The following WDR59 variants were observed in gnomAD, a reference collection of about 807,000 sequenced individuals.
The protein encoded by WDR59 is WD repeat domain 59.
WDR59 carries 100 observed loss-of-function variants against 131.2 expected under a neutral mutation model. That is an observed-to-expected ratio of 0.76 (90% CI 0.65 to 0.90). The LOEUF is 0.90. WDR59 is among the 40% of genes least tolerant of loss of function. WDR59 has a pLI of 0.00. For synonymous variants in WDR59, 601 were observed against 466.2 expected, an observed-to-expected ratio of 1.29 and a Z score of -3.72; for missense variants, 1,203 against 1,262.2, an observed-to-expected ratio of 0.95 and a Z score of 0.71.
chr16:74,903,579 C>T (rs536741789), intron 18 of WDR59, among the ~76,000 whole-genome samples: 1 of 152,114 alleles, frequency 6.6e-6, no homozygotes, highest in African/African-American at 2.4e-5. Context: ...CCCAAGACTC[C>T]AGAGGCATTC....
intron 18 of WDR59, among the ~76,000 whole-genome samples, chr16:74,901,800 T>A (rs570179907): frequency 6.6e-6 from 1 of 152,284 alleles, no homozygotes; most frequent in Non-Finnish European, 1.5e-5. Context: ...TCAAGGATTA[T>A]CGACCTTTGT....
chr16:74,915,412 T>C (rs1447953803), intron 13 of WDR59: 1 of 151,956 alleles, frequency 6.6e-6, no homozygotes, highest in African/African-American at 2.4e-5. Flanking sequence ...ACTTATTTAT[T>C]TATTTATTTA....
At chr16:74,971,639 G>C (rs2033989824) in intron 1 of WDR59, among the ~76,000 whole-genome samples, 1 of 151,818 alleles carries the variant, frequency 6.6e-6, no homozygotes, top group Admixed American at 6.6e-5. Flanking sequence ...CACCATGTCG[G>C]CCAGGCTGGT....
intron 18 of WDR59, among the ~76,000 whole-genome samples, chr16:74,903,562 T>C (rs961063368): frequency 1.3e-5 from 2 of 151,852 alleles, no homozygotes; most frequent in African/African-American, 4.8e-5. Flanking sequence ...TCCAAATATA[T>C]TGAGATCCCA....
chr16:74,894,041 G>A (rs1248491017), intron 18 of WDR59: 3 of 442,312 alleles, frequency 6.8e-6, no homozygotes, highest in East Asian at 6.9e-5. Flanking sequence ...TTCTGCAGGT[G>A]CTCAAAAACA....
intron 1 of WDR59, among the ~76,000 whole-genome samples, chr16:74,974,490 G>T (rs1387781992): frequency 1.3e-5 from 2 of 152,112 alleles, no homozygotes; most frequent in Non-Finnish European, 2.9e-5. Flanking sequence ...AGTCTACAAG[G>T]TAGTATGCAG....
chr16:74,963,873 C>G (rs1006770895), intron 2 of WDR59, among the ~76,000 whole-genome samples: 1 of 151,318 alleles, frequency 6.6e-6, no homozygotes, highest in Non-Finnish European at 1.5e-5. Flanking sequence ...TACACTCCAG[C>G]CTGGGTGACA....
intron 3 of WDR59, among the ~76,000 whole-genome samples, chr16:74,954,730 G>A (rs2145154792): frequency 6.6e-6 from 1 of 152,320 alleles, no homozygotes. Context: ...AATGTCCTCT[G>A]ATGGATGGAC....
intron 1 of WDR59, among the ~76,000 whole-genome samples, chr16:74,971,426 C>T (rs112157104): frequency 5.0e-4 from 45 of 90,186 alleles, no homozygotes; most frequent in African/African-American, 2.1e-3. Context: ...TCTTTCCTTC[C>T]TTTTTTTTTT....
rs766204540 is a variant in WDR59 at position 74,949,707 on chromosome 16, ATTG to A, written c.407+8_407+10del. 3.7e-6 allele frequency: 6 copies of A among 1,613,146 alleles called. No homozygotes were observed. In the East Asian group the frequency reaches 1.3e-4, roughly 36 times the overall value. ...CCCAACCAAGTGGTTATGCCTCCTA[ATTG>A]TTCTTACTTGATATCCCAAATGTAG... On this transcript the variant is annotated splice_region_variant and intron_variant, in intron 5 of 25. Transcript: ENST00000262144.
intron 2 of WDR59, among the ~76,000 whole-genome samples, chr16:74,958,426 C>T (rs973865216): frequency 6.6e-6 from 1 of 150,752 alleles, no homozygotes; most frequent in East Asian, 2.0e-4. Flanking sequence ...CCTGTCTCTA[C>T]TAAAAATACT....
intron 8 of WDR59, among the ~76,000 whole-genome samples, chr16:74,937,681 T>C (rs1180782457): frequency 6.6e-6 from 1 of 152,182 alleles, no homozygotes; most frequent in Non-Finnish European, 1.5e-5. Context: ...TTTGTATTTT[T>C]AGTAGAGACT....
intron 17 of WDR59, 76 bp from the exon 18 acceptor site, chr16:74,904,176 T>G: frequency 6.6e-7 from 1 of 1,521,944 alleles, no homozygotes; most frequent in South Asian, 1.2e-5. Context: ...TCTTAGCACT[T>G]GATACCAAAA....
rs1234766640 is a variant in WDR59, at chr16:74,965,737, GA to G, written c.104+35del. ...AACCCCGATTTGCAAATCGTTTCCA[GA>G]AATCATGGCAGACAAACTCGGCAAG... On this transcript the variant is annotated intron_variant, in intron 2 of 25. Transcript: ENST00000262144. 2 of 1,613,452 alleles carry G rather than the reference GA, an allele frequency of 1.2e-6. 1 individual carries two copies. Among genetic ancestry groups the G allele is most frequent in the Admixed American group, 3.3e-5 (2 of 59,836 alleles).
intron 5 of WDR59, among the ~76,000 whole-genome samples, chr16:74,949,330 CAAAAAAAAAAA>C (rs550013099): frequency 4.7e-5 from 2 of 42,588 alleles, no homozygotes; most frequent in East Asian, 7.2e-4. Context: ...TACCTTGTCT[CAAAAAAAAAAA>C]AAAAAAAAAA....
chr16:74,949,087 A>G (rs2032828794), intron 5 of WDR59, among the ~76,000 whole-genome samples: 1 of 152,110 alleles, frequency 6.6e-6, no homozygotes. Flanking sequence ...TGGGACACCA[A>G]GGTGGAAGGA....
intron 6 of WDR59, among the ~76,000 whole-genome samples, chr16:74,947,806 C>T (rs897542481): frequency 6.6e-6 from 1 of 152,156 alleles, no homozygotes; most frequent in African/African-American, 2.4e-5. Context: ...CATGGTGGCT[C>T]ACACCTGTAA....
At chr16:74,936,763 T>C (rs1158013659) in intron 8 of WDR59, among the ~76,000 whole-genome samples, 1 of 150,472 alleles carries the variant, frequency 6.6e-6, no homozygotes, top group Non-Finnish European at 1.5e-5. Context: ...GAGCGGAGGT[T>C]GCAGTGAGCC....
intron 1 of WDR59, among the ~76,000 whole-genome samples, chr16:74,968,831 C>T (rs745315217): frequency 1.3e-5 from 2 of 152,162 alleles, no homozygotes; most frequent in African/African-American, 4.8e-5. Context: ...ACACCACCTA[C>T]GTGATTTTTC....
Sources: gnomAD v4.1 joint callset for allele counts (sites outside exome capture counted in the v4.1 genomes callset) on GRCh38, gnomAD v4.1.1 for gene constraint, MANE v1.5 for transcripts, NCBI Gene and HGNC (gene_info 2026-07-23, HGNC 2026-07-21) for gene names.